Variants in PVT1 observed in about 807,000 individuals in gnomAD.
PVT1 encodes the protein CXCR4/PVT1 fusion.
At chr8:128,078,182 G>A (rs985341297) in intron 5 of PVT1, among the ~76,000 whole-genome samples, 28 of 152,194 alleles carry the variant, frequency 1.8e-4, no homozygotes, top group Non-Finnish European at 3.2e-4. Flanking sequence ...GAGTAGAGTG[G>A]CAGTTCTTAA....
chr8:127,822,392 C>T (rs960884626), intron 2 of PVT1, among the ~76,000 whole-genome samples: 1 of 152,158 alleles, frequency 6.6e-6, no homozygotes, highest in Non-Finnish European at 1.5e-5. Flanking sequence ...GCCTGGCCAG[C>T]ATGGTGAAAT....
At chr8:127,929,838 G>T (rs1816181991) in intron 3 of PVT1, among the ~76,000 whole-genome samples, 1 of 152,194 alleles carries the variant, frequency 6.6e-6, no homozygotes, top group Non-Finnish European at 1.5e-5. Flanking sequence ...GACTGAAAGA[G>T]ACTAAAGAGA....
At chr8:127,906,094 G>C (rs1335938966) in intron 3 of PVT1, among the ~76,000 whole-genome samples, 3 of 152,236 alleles carry the variant, frequency 2.0e-5, no homozygotes, top group Middle Eastern at 3.2e-3. Context: ...GGAACTTGCA[G>C]ATGGTCACAT....
chr8:128,069,932 C>T (rs1206186269), intron 4 of PVT1, among the ~76,000 whole-genome samples: 1 of 152,090 alleles, frequency 6.6e-6, no homozygotes, highest in Non-Finnish European at 1.5e-5. Flanking sequence ...CACTTGCCTC[C>T]TCTGTTGCAA....
intron 3 of PVT1, among the ~76,000 whole-genome samples, chr8:127,980,823 A>G (rs1222065857): frequency 7.4e-6 from 1 of 135,966 alleles, no homozygotes; most frequent in Non-Finnish European, 1.5e-5. Context: ...TTTGAGACAG[A>G]GTCTCGCTCT....
At position 127,954,545 on chromosome 8, in the gene PVT1, G is replaced by A. The variant is rs150281048; in HGVS notation, n.783-34617G>A. Among the ~76,000 whole-genome samples the A allele has an allele frequency of 3.9e-3, 598 of 152,076 alleles. 7 individuals carry two copies. The highest frequency in any genetic ancestry group is 0.013 in the African/African-American group (549 of 41,502). ...CTTGACCTTGTGATCCACCCGCCTC[G>A]GCCTCCCAACGTGCTGGGATTACAG... On this transcript the variant is annotated intron_variant and non_coding_transcript_variant, in intron 3 of 10. Transcript: ENST00000651587.
At chr8:127,972,002 T>C (rs190848438) in intron 3 of PVT1, among the ~76,000 whole-genome samples, 31 of 152,298 alleles carry the variant, frequency 2.0e-4, no homozygotes, top group Admixed American at 7.2e-4. Flanking sequence ...AAAGCCAGTC[T>C]GAGAATTGCT....
intron 3 of PVT1, among the ~76,000 whole-genome samples, chr8:127,949,037 A>G (rs1201962324): frequency 2.0e-5 from 3 of 152,192 alleles, no homozygotes; most frequent in African/African-American, 4.8e-5. Context: ...AGCCTTTTCC[A>G]TGTCTGAACA....
intron 3 of PVT1, among the ~76,000 whole-genome samples, chr8:127,941,112 C>T (rs1816344092): frequency 6.6e-6 from 1 of 152,218 alleles, no homozygotes; most frequent in African/African-American, 2.4e-5. Flanking sequence ...CTGGAAGCCT[C>T]CTCGCTAGGC....
intron 2 of PVT1, among the ~76,000 whole-genome samples, chr8:127,870,284 CA>C (rs1331103337): frequency 6.6e-6 from 1 of 152,168 alleles, no homozygotes; most frequent in Non-Finnish European, 1.5e-5. Context: ...GACACAGCTA[CA>C]AGCCAAGGAG....
chr8:127,945,852 C>T (rs770569008), intron 3 of PVT1, among the ~76,000 whole-genome samples: 2 of 152,084 alleles, frequency 1.3e-5, no homozygotes, highest in Admixed American at 6.5e-5. Flanking sequence ...GATGTGGAAC[C>T]GAAGGCCTGG....
chr8:127,831,318 C>G (rs1353243041), intron 2 of PVT1, among the ~76,000 whole-genome samples: 1 of 151,878 alleles, frequency 6.6e-6, no homozygotes, highest in Non-Finnish European at 1.5e-5. Context: ...AAGAATGACT[C>G]CTAGGTTTTT....
chr8:127,878,515 T>C (rs971302107), intron 2 of PVT1, among the ~76,000 whole-genome samples: 2 of 152,162 alleles, frequency 1.3e-5, no homozygotes, highest in Non-Finnish European at 2.9e-5. Flanking sequence ...CGTTGGTTAT[T>C]GCTTGACATT....
intron 2 of PVT1, among the ~76,000 whole-genome samples, chr8:127,861,267 G>T (rs529549447): frequency 3.8e-4 from 58 of 152,226 alleles, no homozygotes; most frequent in African/African-American, 1.3e-3. Context: ...ACTTGTTTCT[G>T]ATGGGAGCCA....
At chr8:127,870,527 T>C (rs1815340663) in intron 2 of PVT1, among the ~76,000 whole-genome samples, 1 of 152,150 alleles carries the variant, frequency 6.6e-6, no homozygotes, top group Admixed American at 6.5e-5. Context: ...CCTTTGGGGA[T>C]TGAGGGAAGT....
chr8:127,905,676 C>T (rs1012922518), intron 3 of PVT1, among the ~76,000 whole-genome samples: 5 of 152,144 alleles, frequency 3.3e-5, no homozygotes, highest in Admixed American at 1.3e-4. Context: ...TGTCATTTTA[C>T]ATGACTTTCA....
chr8:128,030,582 G>A (rs1813376401), intron 4 of PVT1, among the ~76,000 whole-genome samples: 1 of 152,212 alleles, frequency 6.6e-6, no homozygotes, highest in African/African-American at 2.4e-5. Flanking sequence ...CTGACATCCA[G>A]AAGCTTCTCT....
intron 2 of PVT1, chr8:127,855,043 C>G: frequency 2.5e-6 from 1 of 396,570 alleles, no homozygotes; most frequent in East Asian, 3.6e-5. Context: ...GGGATTTGAC[C>G]CCAGACCTGT....
rs149935602 is a variant in PVT1, at chr8:128,030,358, A to T, written n.913-39802A>T. Among the ~76,000 whole-genome samples the T allele has an allele frequency of 2.3e-3, 344 of 152,318 alleles. 1 individual carries two copies. The highest frequency in any genetic ancestry group is 3.8e-3 in the Non-Finnish European group (261 of 68,016). Reference sequence around the variant, plus strand: ...TTCTTGCATATACATATATTTGAAAAAGTAAAGAATAGGTTCCTCTGGTTT... The same window carrying T: ...TTCTTGCATATACATATATTTGAAATAGTAAAGAATAGGTTCCTCTGGTTT... On this transcript the variant is annotated intron_variant and non_coding_transcript_variant, in intron 4 of 10. Transcript: ENST00000651587.
Sources: gnomAD v4.1 joint callset for allele counts (sites outside exome capture counted in the v4.1 genomes callset) on GRCh38, gnomAD v4.1.1 for gene constraint, MANE v1.5 for transcripts, NCBI Gene and HGNC (gene_info 2026-07-23, HGNC 2026-07-21) for gene names.